The following HSD17B4 variants were observed in gnomAD, a reference collection of about 807,000 sequenced individuals.
The protein encoded by HSD17B4 is hydroxysteroid 17-beta dehydrogenase 4.
Under a neutral mutation model 101.0 loss-of-function variants are expected in HSD17B4, and 70 were observed. The ratio of observed to expected loss-of-function variants is 0.69; its 90% CI spans 0.57 to 0.85. The LOEUF (loss-of-function observed/expected upper bound fraction) is 0.85. Among genes scored for constraint, HSD17B4 ranks in the 40% least tolerant of loss-of-function variants. The pLI is 0.00. For missense variants in HSD17B4, 984 were observed against 892.4 expected (o/e 1.10, Z -1.31); for synonymous variants, 347 against 297.1 (o/e 1.17, Z -1.73).
intron 8 of HSD17B4, among the ~76,000 whole-genome samples, chr5:119,481,712 A>G (rs1426352364): frequency 6.6e-6 from 1 of 152,164 alleles, no homozygotes; most frequent in East Asian, 1.9e-4. Flanking sequence ...TGTTGGAAAA[A>G]TGACACTGAT....
chr5:119,454,142 A>T (rs1048213588), intron 1 of HSD17B4, among the ~76,000 whole-genome samples: 3 of 152,198 alleles, frequency 2.0e-5, no homozygotes, highest in South Asian at 4.1e-4. Flanking sequence ...AGTACAGGCA[A>T]TGCATCCTGA....
intron 14 of HSD17B4, among the ~76,000 whole-genome samples, chr5:119,504,566 C>T (rs563702025): frequency 5.9e-5 from 9 of 152,076 alleles, no homozygotes; most frequent in African/African-American, 1.9e-4. Context: ...GTTTGTTGGC[C>T]ACTTGTGTGT....
Position 119,496,545 on chromosome 5 carries a change from T to A in HSD17B4, c.871T>A (p.Ser291Thr). The stretch of plus-strand genomic sequence containing the variant: ...TTGTTTTTCATTTTTCATTTTAGAA[T>A]CAACTGGCAGTATAATTGAAGTTCT... ...NASKPQSIQE[S>T]TGSIIEVLSK... The change falls in exon 12 of 24, where the codon TCA (serine) becomes ACA (threonine). Residue 291 changes from serine to threonine, a missense_variant and splice_region_variant. Ser to Thr is a moderately conservative substitution (Grantham distance 58). Transcript: ENST00000510025. 1.3e-6 allele frequency: 2 copies of A among 1,512,542 alleles called. No homozygotes were observed. The highest frequency in any genetic ancestry group is 2.3e-5 in the South Asian group (2 of 88,866). 93.7% of individuals were successfully genotyped at this position (1,512,542 alleles called of 1,614,324 possible).
At chr5:119,466,587 G>A (rs184005149) in intron 2 of HSD17B4, among the ~76,000 whole-genome samples, 1 of 152,188 alleles carries the variant, frequency 6.6e-6, no homozygotes, top group East Asian at 1.9e-4. Flanking sequence ...TTGGCGTAGA[G>A]TTGTTGTAGT....
chr5:119,478,104 A>G (rs2546206), intron 7 of HSD17B4: 3,187 of 157,554 alleles, frequency 0.02, 95 homozygotes, highest in African/African-American at 0.072. Flanking sequence ...CTGGGGAGAG[A>G]TGAATGGCTA....
At chr5:119,480,451 A>G (rs1718414349) in intron 8 of HSD17B4, among the ~76,000 whole-genome samples, 2 of 152,164 alleles carry the variant, frequency 1.3e-5, no homozygotes. Context: ...ACAAGCCACA[A>G]AAACCAGCAA....
chr5:119,541,880 C>A, intron 23 of HSD17B4, 25 bp from the exon 24 acceptor site: 1 of 1,404,986 alleles, frequency 7.1e-7, no homozygotes, highest in Non-Finnish European at 1.0e-6. Flanking sequence ...ACAGTTGGCA[C>A]TCTTTTTCCC....
chr5:119,511,869 G>C lies in HSD17B4; in HGVS notation c.1437+2625G>C, dbSNP rs59119324. 4.1e-5 allele frequency among the ~76,000 whole-genome samples: 6 copies of C among 145,878 alleles called. No homozygotes were observed. In the East Asian group the frequency reaches 1.2e-3, roughly 28 times the overall value. The stretch of plus-strand genomic sequence containing the variant: ...AAAATTATAAGATATGGAAGAAACA[G>C]GAGAGTGTGATGCATAGACGGAAGA... On this transcript the variant is annotated intron_variant, in intron 16 of 23. Transcript: ENST00000510025.
chr5:119,476,002 C>T, intron 6 of HSD17B4, 132 bp downstream of exon 6: 5 of 700,526 alleles, frequency 7.1e-6, no homozygotes, highest in Non-Finnish European at 1.3e-5. Context: ...GATGAGTAAA[C>T]TGTATACTGA....
At chr5:119,532,594 GA>G (rs1754210237) in intron 22 of HSD17B4, among the ~76,000 whole-genome samples, 1 of 152,014 alleles carries the variant, frequency 6.6e-6, no homozygotes, top group Non-Finnish European at 1.5e-5. Flanking sequence ...ATGATACTGA[GA>G]TATTTCATAA....
chr5:119,465,612 A>G (rs1450949061), intron 2 of HSD17B4, among the ~76,000 whole-genome samples: 1 of 152,228 alleles, frequency 6.6e-6, no homozygotes, highest in Non-Finnish European at 1.5e-5. Context: ...TCCTATAACA[A>G]TGCAGAAGTA....
chr5:119,533,532 A>G (rs1334685269), intron 22 of HSD17B4, among the ~76,000 whole-genome samples: 1 of 152,072 alleles, frequency 6.6e-6, no homozygotes, highest in Non-Finnish European at 1.5e-5. Context: ...CAAAACTAAT[A>G]CTGTGGTTTT....
Position 119,531,386 on chromosome 5 carries a change from A to G in HSD17B4, c.1975A>G (p.Asn659Asp). The change falls in exon 22 of 24, where the codon AAT becomes GAT. Residue 659 changes from asparagine (N) to aspartate (D), a missense_variant. Asn to Asp is a conservative substitution (Grantham distance 23). Coordinates refer to ENST00000510025, the MANE Select transcript of HSD17B4 (RefSeq NM_000414.4). The part of the protein sequence containing the change: ...VFEWHITKGG[N>D]IGAKWTIDLK... ...TGAGTGGCATATAACCAAAGGCGGA[A>G]ATATTGGGGCTAAGTGGAGTAAGTT... 6.2e-7 allele frequency: 1 copy of G among 1,613,506 alleles called. No homozygotes were observed. The highest frequency in any genetic ancestry group is 1.3e-5 in the African/African-American group (1 of 75,000).
intron 2 of HSD17B4, among the ~76,000 whole-genome samples, chr5:119,460,772 A>G (rs1481525431): frequency 6.6e-6 from 1 of 152,230 alleles, no homozygotes; most frequent in East Asian, 1.9e-4. Context: ...CAAGAAATAC[A>G]TATGTAAAAA....
At chr5:119,465,722 G>C (rs1005980044) in intron 2 of HSD17B4, among the ~76,000 whole-genome samples, 2 of 152,110 alleles carry the variant, frequency 1.3e-5, no homozygotes, top group African/African-American at 4.8e-5. Context: ...AGAGTTTTTT[G>C]ATGGAGTCTT....
chr5:119,525,366 A>C (rs1375409269), intron 18 of HSD17B4, 81 bp downstream of exon 18: 2 of 858,294 alleles, frequency 2.3e-6, no homozygotes, highest in African/African-American at 3.4e-5. Flanking sequence ...ACTACTACTT[A>C]TGACTGGTAG....
intron 2 of HSD17B4, among the ~76,000 whole-genome samples, chr5:119,463,273 C>T (rs965184222): frequency 6.6e-6 from 1 of 152,090 alleles, no homozygotes; most frequent in African/African-American, 2.4e-5. Flanking sequence ...ACGCTTAGGC[C>T]GGTTCCATAT....
chr5:119,530,947 T>TA (rs569539098), intron 21 of HSD17B4, among the ~76,000 whole-genome samples: 2 of 148,726 alleles, frequency 1.3e-5, no homozygotes, highest in East Asian at 2.0e-4. Flanking sequence ...ATTTTATAAA[T>TA]AAAAAAAATG....
chr5:119,475,142 CAT>C (rs1748461360), intron 4 of HSD17B4, among the ~76,000 whole-genome samples: 1 of 152,070 alleles, frequency 6.6e-6, no homozygotes, highest in Admixed American at 6.5e-5. Flanking sequence ...ACCATGTTCA[CAT>C]ATCGTCTGAC....
Sources: gnomAD v4.1 joint callset for allele counts (sites outside exome capture counted in the v4.1 genomes callset) on GRCh38, gnomAD v4.1.1 for gene constraint, MANE v1.5 for transcripts, NCBI Gene and HGNC (gene_info 2026-07-23, HGNC 2026-07-21) for gene names.